The following SLC35F4 variants were observed in gnomAD, a reference collection of about 807,000 sequenced individuals.
The protein encoded by SLC35F4 is solute carrier family 35 member F4, also known as chromosome 14 open reading frame 36.
In SLC35F4, 24 loss-of-function variants were observed where a neutral mutation model predicts 44.2. That is an observed-to-expected ratio of 0.54 (90% CI 0.39 to 0.76). The LOEUF is 0.76. Among genes scored for constraint, SLC35F4 ranks in the 30% least tolerant of loss-of-function variants. SLC35F4 has a pLI of 0.00. For synonymous variants in SLC35F4, 238 were observed against 223.6 expected (o/e 1.06, Z -0.57); for missense variants, 562 against 586.1 (o/e 0.96, Z 0.42).
At chr14:57,594,226 G>A (rs2070362027) in intron 1 of SLC35F4, 102 bp from the exon 2 acceptor site, 12 of 1,167,718 alleles carry the variant, frequency 1.0e-5, no homozygotes, top group Non-Finnish European at 1.3e-5. Flanking sequence ...GTCTCACTCT[G>A]TCACCCAGGC....
intron 1 of SLC35F4, among the ~76,000 whole-genome samples, chr14:57,758,195 G>C (rs546477421): frequency 6.6e-6 from 1 of 151,876 alleles, no homozygotes; most frequent in Non-Finnish European, 1.5e-5. Flanking sequence ...AATGGTTTTG[G>C]ACAATTTAAT....
chr14:57,630,378 C>A (rs2140126641), intron 1 of SLC35F4: 2 of 633,604 alleles, frequency 3.2e-6, no homozygotes, highest in Admixed American at 2.2e-5. Flanking sequence ...AGAAGCCATT[C>A]CAAATATGAT....
intron 3 of SLC35F4, among the ~76,000 whole-genome samples, chr14:57,588,335 T>C (rs1361172178): frequency 6.6e-6 from 1 of 151,262 alleles, no homozygotes; most frequent in African/African-American, 2.4e-5. Context: ...TCTTCTTCCA[T>C]CTGCCATCCA....
chr14:57,763,949 T>G (rs562351215), intron 1 of SLC35F4, among the ~76,000 whole-genome samples: 6 of 152,300 alleles, frequency 3.9e-5, no homozygotes, highest in Admixed American at 2.6e-4. Flanking sequence ...ATTCTGAAAC[T>G]TCCAGGTTAG....
chr14:57,899,874 T>C (rs1171431939), intron 1 of SLC35F4, among the ~76,000 whole-genome samples: 11 of 152,002 alleles, frequency 7.2e-5, no homozygotes, highest in Non-Finnish European at 1.5e-5. Context: ...ACCCAAAGTG[T>C]GAGTGGTAGA....
chr14:57,872,212 A>G (rs1157810712), intron 1 of SLC35F4, among the ~76,000 whole-genome samples: 1 of 152,200 alleles, frequency 6.6e-6, no homozygotes, highest in Non-Finnish European at 1.5e-5. Context: ...AGAACTATTA[A>G]TCTGCAGGAA....
chr14:57,765,763 A>G (rs1395300660), intron 1 of SLC35F4, among the ~76,000 whole-genome samples: 1 of 152,230 alleles, frequency 6.6e-6, no homozygotes, highest in Non-Finnish European at 1.5e-5. Flanking sequence ...ATCCACTCAT[A>G]TAGTCAATAT....
intron 1 of SLC35F4, among the ~76,000 whole-genome samples, chr14:57,960,106 G>A (rs1890311823): frequency 6.6e-6 from 1 of 152,206 alleles, no homozygotes; most frequent in Non-Finnish European, 1.5e-5. Context: ...TGGGAGTAAT[G>A]AGAATAGTTA....
chr14:57,729,466 A>G (rs1014055872), intron 1 of SLC35F4, among the ~76,000 whole-genome samples: 2 of 152,194 alleles, frequency 1.3e-5, no homozygotes, highest in African/African-American at 4.8e-5. Flanking sequence ...GAATCCTGCC[A>G]AGACTGAGTC....
At chr14:57,710,345 C>T (rs1328580537) in intron 1 of SLC35F4, among the ~76,000 whole-genome samples, 2 of 152,196 alleles carry the variant, frequency 1.3e-5, no homozygotes, top group Non-Finnish European at 2.9e-5. Flanking sequence ...TATGAAAATG[C>T]CTGAACATCT....
chr14:57,968,786 T>C (rs1456504067), intron 1 of SLC35F4, among the ~76,000 whole-genome samples: 1 of 152,144 alleles, frequency 6.6e-6, no homozygotes, highest in Non-Finnish European at 1.5e-5. Flanking sequence ...TGCTGGAACA[T>C]AGTAAACCCC....
rs182514054 is a variant in SLC35F4 at position 57,741,260 on chromosome 14, C to A, written c.103+124463G>T. ...ACTTTGACGAGTTGAGAGAAGAAGG[C>A]TTCAGGTGATCGGTAATAACAAACT... On this transcript the variant is annotated intron_variant, in intron 1 of 7. Coordinates refer to ENST00000556826, the MANE Select transcript of SLC35F4 (RefSeq NM_001306087.2). Among the ~76,000 whole-genome samples, 430 of 152,302 alleles carry A rather than the reference C, an allele frequency of 2.8e-3. 4 individuals are homozygous for A. The highest frequency in any genetic ancestry group is 9.8e-3 in the African/African-American group (409 of 41,540).
chr14:57,590,017 G>C (rs978665146), intron 2 of SLC35F4, among the ~76,000 whole-genome samples: 1 of 151,972 alleles, frequency 6.6e-6, no homozygotes, highest in African/African-American at 2.4e-5. Flanking sequence ...CCCAGCCAAA[G>C]CTGCTCTGTA....
chr14:57,734,043 G>GTAGC (rs2076408676), intron 1 of SLC35F4, among the ~76,000 whole-genome samples: 1 of 152,166 alleles, frequency 6.6e-6, no homozygotes, highest in Non-Finnish European at 1.5e-5. Flanking sequence ...TGAGCCCCAT[G>GTAGC]TAGCGTAAGG....
At chr14:57,648,646 GT>G (rs1206374676) in intron 1 of SLC35F4, among the ~76,000 whole-genome samples, 1 of 152,066 alleles carries the variant, frequency 6.6e-6, no homozygotes, top group African/African-American at 2.4e-5. Context: ...AATATGGATG[GT>G]TTATGAACCT....
chr14:57,904,386 T>G (rs1467653738), intron 1 of SLC35F4, among the ~76,000 whole-genome samples: 1 of 152,212 alleles, frequency 6.6e-6, no homozygotes, highest in Non-Finnish European at 1.5e-5. Flanking sequence ...CAAACGGTAT[T>G]CTCAGATTTC....
chr14:57,716,420 A>C (rs988060851), intron 1 of SLC35F4, among the ~76,000 whole-genome samples: 5 of 152,230 alleles, frequency 3.3e-5, no homozygotes, highest in African/African-American at 7.2e-5. Context: ...GAGCAGTAGA[A>C]TATAAATAAC....
At chr14:57,856,933 T>C (rs1213509003) in intron 1 of SLC35F4, among the ~76,000 whole-genome samples, 1 of 152,054 alleles carries the variant, frequency 6.6e-6, no homozygotes, top group Non-Finnish European at 1.5e-5. Context: ...AACCACATTT[T>C]CTTTCTTATG....
chr14:57,668,691 T>A (rs2074404209), intron 1 of SLC35F4, among the ~76,000 whole-genome samples: 2 of 152,088 alleles, frequency 1.3e-5, no homozygotes, highest in African/African-American at 4.8e-5. Flanking sequence ...TTGGCCTATA[T>A]CTCTGTTTTA....
Sources: allele counts gnomAD v4.1 joint callset (sites outside exome capture counted in the v4.1 genomes callset), GRCh38; gene constraint gnomAD v4.1.1; transcripts MANE v1.5; gene names NCBI Gene and HGNC (gene_info 2026-07-23, HGNC 2026-07-21).